MSI2: variants seen among roughly 807,000 people sequenced by gnomAD.
The protein encoded by MSI2 is musashi RNA binding protein 2.
Under a neutral mutation model 45.6 loss-of-function variants are expected in MSI2, and 17 were observed. The observed-to-expected ratio is 0.37, with a 90% CI of 0.26 to 0.56. MSI2 has a LOEUF of 0.56. Ranked by LOEUF, MSI2 falls within the 20% of genes least tolerant of loss-of-function variation. The pLI is 0.77. For missense variants in MSI2, 293 were observed against 444.2 expected (o/e 0.66, Z 3.06); for synonymous variants, 156 against 158.2 (o/e 0.99, Z 0.11).
rs117029594 is a variant in MSI2 at position 57,313,194 on chromosome 17, G to T, written c.312+51002G>T. Among the ~76,000 whole-genome samples, 728 of 152,260 alleles carry T rather than the reference G, an allele frequency of 4.8e-3. 4 individuals carry two copies. Among genetic ancestry groups the T allele is most frequent in the Non-Finnish European group, 7.2e-3 (489 of 68,018 alleles). On this transcript the variant is annotated intron_variant, in intron 5 of 13. Transcript: ENST00000284073. ...ACAGACTTTCTCTGCTTGCCTTAGG[G>T]CTGCAGCTAAGTTTAAACCCAGTGG...
chr17:57,498,787 C>T (rs1035156243), intron 6 of MSI2, among the ~76,000 whole-genome samples: 7 of 151,550 alleles, frequency 4.6e-5, no homozygotes, highest in African/African-American at 1.5e-4. Context: ...TTAAATTATA[C>T]TTTAAGTTCT....
chr17:57,618,911 C>T (rs535261670), intron 9 of MSI2, among the ~76,000 whole-genome samples: 1 of 152,312 alleles, frequency 6.6e-6, no homozygotes, highest in African/African-American at 2.4e-5. Context: ...CCTATTACCA[C>T]CTACTGGGTT....
chr17:57,606,901 G>C (rs776831918), intron 8 of MSI2, among the ~76,000 whole-genome samples: 56 of 152,044 alleles, frequency 3.7e-4, no homozygotes, highest in African/African-American at 1.0e-3. Flanking sequence ...GTGATGGGGG[G>C]GGGTGGCTGG....
At chr17:57,424,111 C>T (rs1260497807) in intron 6 of MSI2, among the ~76,000 whole-genome samples, 3 of 152,186 alleles carry the variant, frequency 2.0e-5, no homozygotes, top group Non-Finnish European at 4.4e-5. Context: ...TTTGGGGCAG[C>T]ATGAACCCTG....
chr17:57,584,188 G>A (rs1350418129), intron 7 of MSI2, among the ~76,000 whole-genome samples: 1 of 152,196 alleles, frequency 6.6e-6, no homozygotes, highest in Admixed American at 6.5e-5. Flanking sequence ...TCAGGGAGCA[G>A]TCTCCGCTCC....
the MSI2 span, among the ~76,000 whole-genome samples, chr17:57,698,926 T>TGTGTGTGTGC: frequency 6.7e-5 from 9 of 134,020 alleles, no homozygotes; most frequent in African/African-American, 2.8e-4. Context: ...TGTGTGTGTG[T>TGTGTGTGTGC]GTGTGTGTGT....
chr17:57,504,034 C>T (rs922034775), intron 6 of MSI2, among the ~76,000 whole-genome samples: 13 of 152,192 alleles, frequency 8.5e-5, no homozygotes, highest in Admixed American at 7.2e-4. Context: ...CGCGCCCGGC[C>T]GGGAGAGAGG....
intron 7 of MSI2, among the ~76,000 whole-genome samples, chr17:57,549,500 C>G (rs1239153593): frequency 6.6e-6 from 1 of 152,128 alleles, no homozygotes; most frequent in East Asian, 1.9e-4. Flanking sequence ...TCTACCTCAC[C>G]TTCACCCTAT....
rs1598404968 is a variant in MSI2 at position 57,564,661 on chromosome 17, G to T, written c.455-32207G>T. On this transcript the variant is annotated intron_variant, in intron 7 of 13. Coordinates refer to ENST00000284073, the MANE Select transcript of MSI2 (RefSeq NM_138962.4). Reference sequence around the variant, plus strand: ...TTATGGAGCTTGCAGCCTGTGTCCAGCACAGTGCACAGATGTATAAAGTGT... The same window carrying T: ...TTATGGAGCTTGCAGCCTGTGTCCATCACAGTGCACAGATGTATAAAGTGT... Among the ~76,000 whole-genome samples, 7 of 152,224 alleles carry T rather than the reference G, an allele frequency of 4.6e-5. No individual in the cohort carries two copies. In the East Asian group the frequency reaches 1.3e-3, roughly 29 times the overall value.
At chr17:57,583,207 T>C (rs930534699) in intron 7 of MSI2, among the ~76,000 whole-genome samples, 11 of 152,214 alleles carry the variant, frequency 7.2e-5, no homozygotes, top group Admixed American at 1.3e-4. Flanking sequence ...TTGGTTTTCT[T>C]AAAGCCAGAT....
intron 5 of MSI2, among the ~76,000 whole-genome samples, chr17:57,307,633 C>G (rs562569595): frequency 5.0e-4 from 76 of 152,248 alleles, no homozygotes; most frequent in Non-Finnish European, 9.9e-4. Flanking sequence ...CCACATTGGC[C>G]AGGTTGGTCT....
At chr17:57,390,633 A>G (rs758241119) in intron 5 of MSI2, among the ~76,000 whole-genome samples, 16 of 152,214 alleles carry the variant, frequency 1.1e-4, no homozygotes, top group Non-Finnish European at 1.3e-4. Context: ...CGTGAAATCA[A>G]CTGGAGGGTT....
At chr17:57,555,618 G>A (rs1050936452) in intron 7 of MSI2, among the ~76,000 whole-genome samples, 6 of 151,974 alleles carry the variant, frequency 3.9e-5, no homozygotes, top group Admixed American at 1.3e-4. Flanking sequence ...CCCTGAGCAT[G>A]CCTCCATCAT....
At chr17:57,289,526 T>C (rs1287513040) in intron 5 of MSI2, among the ~76,000 whole-genome samples, 1 of 152,144 alleles carries the variant, frequency 6.6e-6, no homozygotes, top group African/African-American at 2.4e-5. Flanking sequence ...TGCCGTCCTC[T>C]CTTCCCTTTT....
intron 5 of MSI2, among the ~76,000 whole-genome samples, chr17:57,304,383 A>G (rs1443232918): frequency 6.6e-6 from 1 of 151,232 alleles, no homozygotes; most frequent in Non-Finnish European, 1.5e-5. Context: ...GAAAAAAGAA[A>G]AAAAGAAACC....
intron 5 of MSI2, among the ~76,000 whole-genome samples, chr17:57,364,225 C>T (rs150792494): frequency 1.5e-4 from 23 of 152,308 alleles, no homozygotes; most frequent in African/African-American, 4.6e-4. Context: ...CCAGAAGGCT[C>T]GGCTGGCTGG....
At chr17:57,311,795 A>AT (rs1392183104) in intron 5 of MSI2, among the ~76,000 whole-genome samples, 19 of 152,120 alleles carry the variant, frequency 1.2e-4, no homozygotes, top group Non-Finnish European at 2.1e-4. Flanking sequence ...GCCTCAAGCG[A>AT]TACTCCCACC....
At chr17:57,470,323 G>C (rs1017775326) in intron 6 of MSI2, among the ~76,000 whole-genome samples, 28 of 152,152 alleles carry the variant, frequency 1.8e-4, no homozygotes, top group Middle Eastern at 3.4e-3. Flanking sequence ...TGCCACCCAG[G>C]CTGGAGTGCA....
At chr17:57,644,214 GT>G (rs571385748) in intron 10 of MSI2, among the ~76,000 whole-genome samples, 1,285 of 87,414 alleles carry the variant, frequency 0.015, 7 homozygotes, top group Non-Finnish European at 0.021. Context: ...AGGGTAAGTT[GT>G]TTTTTTTTTT....
Sources: allele counts gnomAD v4.1 joint callset (sites outside exome capture counted in the v4.1 genomes callset), GRCh38; gene constraint gnomAD v4.1.1; transcripts MANE v1.5; gene names NCBI Gene and HGNC (gene_info 2026-07-23, HGNC 2026-07-21).